KHDRBS2: variants seen among roughly 807,000 people sequenced by gnomAD.
KHDRBS2 encodes the protein KH domain-containing, RNA-binding, signal transduction-associated protein 2.
Under a neutral mutation model 44.3 loss-of-function variants are expected in KHDRBS2, and 26 were observed. The ratio of observed to expected loss-of-function variants is 0.59; its 90% CI spans 0.43 to 0.81. The LOEUF (loss-of-function observed/expected upper bound fraction) is 0.81, where lower values mean the gene tolerates loss of function less well. Among genes scored for constraint, KHDRBS2 ranks in the 40% least tolerant of loss-of-function variants. The pLI, the probability that KHDRBS2 is intolerant of heterozygous loss-of-function variation, is 0.00. For missense variants in KHDRBS2, 476 were observed against 433.1 expected (o/e 1.10, Z -0.88); for synonymous variants, 194 against 151.1 (o/e 1.28, Z -2.08).
chr6:61,806,371 T>C (rs1787162775), intron 6 of KHDRBS2, among the ~76,000 whole-genome samples: 1 of 152,040 alleles, frequency 6.6e-6, no homozygotes, highest in Non-Finnish European at 1.5e-5. Context: ...CGTAGTGAGG[T>C]CCTGAGAATA....
At position 62,176,405 on chromosome 6, in the gene KHDRBS2, A is replaced by G. The variant is rs532074367; in HGVS notation, c.219+780T>C. On this transcript the variant is annotated intron_variant, in intron 2 of 8. Coordinates refer to ENST00000281156, the MANE Select transcript of KHDRBS2 (RefSeq NM_152688.4). The stretch of plus-strand genomic sequence containing the variant: ...ATTTACTAAAGTTTATCATATTAGA[A>G]GACAATTGGTAAACCAGAGCATTTA... Among the ~76,000 whole-genome samples the G allele has an allele frequency of 9.2e-5, 14 of 151,466 alleles. No individual in the cohort carries two copies. In the South Asian group the frequency reaches 1.4e-3, roughly 16 times the overall value.
intron 2 of KHDRBS2, among the ~76,000 whole-genome samples, chr6:62,089,161 TG>T (rs1799007327): frequency 6.7e-6 from 1 of 148,314 alleles, no homozygotes; most frequent in Admixed American, 6.8e-5. Context: ...CTAGGCTCTG[TG>T]GGGGTGGGAT....
intron 1 of KHDRBS2, among the ~76,000 whole-genome samples, chr6:62,273,311 C>T (rs1840379693): frequency 6.6e-6 from 1 of 152,156 alleles, no homozygotes; most frequent in Non-Finnish European, 1.5e-5. Flanking sequence ...CATAGCCTCA[C>T]TTCCTATTCA....
intron 4 of KHDRBS2, among the ~76,000 whole-genome samples, chr6:61,936,667 T>C (rs995189143): frequency 2.0e-5 from 3 of 152,030 alleles, no homozygotes; most frequent in Admixed American, 6.6e-5. Context: ...TAAACTCTTG[T>C]TTATAGGTTT....
chr6:61,895,507 T>A (rs1392906578), intron 5 of KHDRBS2, among the ~76,000 whole-genome samples: 2 of 152,146 alleles, frequency 1.3e-5, no homozygotes, highest in East Asian at 3.8e-4. Flanking sequence ...TAACCATAAC[T>A]ATGGTGTTAG....
the KHDRBS2 span, among the ~76,000 whole-genome samples, chr6:61,618,068 A>G: frequency 6.6e-6 from 1 of 152,218 alleles, no homozygotes; most frequent in Non-Finnish European, 1.5e-5. Context: ...CTAAATAGAA[A>G]GTCAAAATAA....
intron 4 of KHDRBS2, among the ~76,000 whole-genome samples, chr6:61,914,337 T>G (rs1353741369): frequency 6.6e-6 from 1 of 152,060 alleles, no homozygotes; most frequent in Non-Finnish European, 1.5e-5. Context: ...AGTTACTGAA[T>G]GTGGGCTTCC....
chr6:61,749,456 T>C (rs1477982030), intron 6 of KHDRBS2, among the ~76,000 whole-genome samples: 2 of 152,208 alleles, frequency 1.3e-5, no homozygotes, highest in Non-Finnish European at 2.9e-5. Flanking sequence ...AACTTTACTG[T>C]AGAAGCATAA....
chr6:61,774,629 T>C (rs1328616239), intron 6 of KHDRBS2, among the ~76,000 whole-genome samples: 9 of 152,060 alleles, frequency 5.9e-5, no homozygotes, highest in Non-Finnish European at 1.0e-4. Context: ...AATAACAGGC[T>C]CTGAAATTGA....
At chr6:62,081,663 T>C (rs73758653) in intron 2 of KHDRBS2, among the ~76,000 whole-genome samples, 3,729 of 152,226 alleles carry the variant, frequency 0.024, 162 homozygotes, top group African/African-American at 0.084. Flanking sequence ...CAAAGAGTTA[T>C]TCAAACCAGA....
intron 6 of KHDRBS2, among the ~76,000 whole-genome samples, chr6:61,849,654 TA>T (rs1051333802): frequency 6.6e-6 from 1 of 151,238 alleles, no homozygotes; most frequent in African/African-American, 2.4e-5. Context: ...TTTCCTAAAC[TA>T]AATCTTTCCC....
chr6:62,195,654 C>A (rs997898057), intron 1 of KHDRBS2, among the ~76,000 whole-genome samples: 1 of 151,890 alleles, frequency 6.6e-6, no homozygotes, highest in South Asian at 2.1e-4. Context: ...AATAAAAATC[C>A]CTTGGCCATT....
At chr6:62,219,870 TTA>T (rs1209442159) in intron 1 of KHDRBS2, among the ~76,000 whole-genome samples, 1 of 147,364 alleles carries the variant, frequency 6.8e-6, no homozygotes, top group African/African-American at 2.5e-5. Context: ...GTGCATAGTT[TTA>T]TATATATAAC....
chr6:61,603,660 T>C, the KHDRBS2 span, among the ~76,000 whole-genome samples: 14 of 152,150 alleles, frequency 9.2e-5, no homozygotes, highest in Admixed American at 2.6e-4. Flanking sequence ...CTCAACTCAC[T>C]CTCTACAGTT....
chr6:61,733,617 G>T (rs750726798), intron 6 of KHDRBS2, among the ~76,000 whole-genome samples: 1 of 149,728 alleles, frequency 6.7e-6, no homozygotes, highest in Non-Finnish European at 1.5e-5. Flanking sequence ...AAAAAAAAAA[G>T]ACTTTGTGTA....
chr6:62,175,337 A>T (rs1165340555), intron 2 of KHDRBS2, among the ~76,000 whole-genome samples: 2 of 151,620 alleles, frequency 1.3e-5, no homozygotes, highest in Admixed American at 1.3e-4. Context: ...ACTATCCCAT[A>T]AAACTATTAT....
chr6:61,896,246 C>G (rs1380955154), intron 5 of KHDRBS2, among the ~76,000 whole-genome samples: 1 of 152,158 alleles, frequency 6.6e-6, no homozygotes, highest in African/African-American at 2.4e-5. Context: ...GCTTCCTGTT[C>G]AGTTTAGCAT....
At chr6:62,088,198 A>G (rs2127360920) in intron 2 of KHDRBS2, among the ~76,000 whole-genome samples, 1 of 152,256 alleles carries the variant, frequency 6.6e-6, no homozygotes, top group African/African-American at 2.4e-5. Context: ...ACTACTGTCA[A>G]TTCGTCAAAC....
chr6:61,796,021 T>C (rs1264584539), intron 6 of KHDRBS2, among the ~76,000 whole-genome samples: 3 of 152,096 alleles, frequency 2.0e-5, no homozygotes, highest in Non-Finnish European at 2.9e-5. Flanking sequence ...GTTTTGTCAC[T>C]TTTAACTGAG....
Sources: allele counts gnomAD v4.1 joint callset (sites outside exome capture counted in the v4.1 genomes callset), GRCh38; gene constraint gnomAD v4.1.1; transcripts MANE v1.5; gene names NCBI Gene and HGNC (gene_info 2026-07-23, HGNC 2026-07-21).